CSMD1: variants seen among roughly 807,000 people sequenced by gnomAD.
CSMD1 encodes the protein CUB and Sushi multiple domains 1.
CSMD1 carries 213 observed loss-of-function variants against 417.5 expected under a neutral mutation model. The ratio of observed to expected loss-of-function variants is 0.51; its 90% confidence interval spans 0.46 to 0.57. The LOEUF (loss-of-function observed/expected upper bound fraction) is 0.57. CSMD1 is among the 20% of genes least tolerant of loss of function. The pLI is 0.00. For missense variants in CSMD1, 6,923 were observed against 4,529.7 expected (o/e 1.53, Z -15.17); for synonymous variants, 2,862 against 1,736.8 (o/e 1.65, Z -16.11).
chr8:3,246,240 C>G (rs1311161144), intron 26 of CSMD1, among the ~76,000 whole-genome samples: 1 of 152,162 alleles, frequency 6.6e-6, no homozygotes, highest in Non-Finnish European at 1.5e-5. Flanking sequence ...GTGCCTCACC[C>G]ACACCAGCCC....
chr8:2,939,473 T>C (rs764571628), intron 69 of CSMD1, among the ~76,000 whole-genome samples: 6 of 152,222 alleles, frequency 3.9e-5, no homozygotes, highest in Non-Finnish European at 7.3e-5. Context: ...GTACAATCTA[T>C]GATTAGAGAA....
Position 3,683,356 on chromosome 8 carries a change from C to A in CSMD1, c.1009+25058G>T, listed in dbSNP as rs1799766347. On this transcript the variant is annotated intron_variant, in intron 7 of 69. Coordinates refer to ENST00000635120, the MANE Select transcript of CSMD1 (RefSeq NM_033225.6). ...TTCTCTTATTTATTCTTTTATACAACCACGAGTGAGCTGTTTATTCTGGGC... is the reference window on the plus strand; with the variant it reads ...TTCTCTTATTTATTCTTTTATACAAACACGAGTGAGCTGTTTATTCTGGGC... 3.9e-5 allele frequency among the ~76,000 whole-genome samples: 6 copies of A among 152,152 alleles called. No individual in the cohort carries two copies. The South Asian group carries it at 1.2e-3, about 32-fold the overall frequency.
intron 5 of CSMD1, among the ~76,000 whole-genome samples, chr8:3,782,604 C>G (rs1209325697): frequency 6.6e-6 from 1 of 152,224 alleles, no homozygotes; most frequent in Non-Finnish European, 1.5e-5. Context: ...ATGTAACAAA[C>G]CTGCACGTTG....
chr8:4,694,404 T>A (rs936158719), intron 1 of CSMD1, among the ~76,000 whole-genome samples: 3 of 152,058 alleles, frequency 2.0e-5, no homozygotes, highest in African/African-American at 7.2e-5. Context: ...CAGGCTAGAG[T>A]GCAGTCGTGT....
chr8:3,309,700 TC>T (rs1805178634), intron 23 of CSMD1, among the ~76,000 whole-genome samples: 1 of 151,984 alleles, frequency 6.6e-6, no homozygotes. Context: ...TGCTTTCTTT[TC>T]TCAAAAAGAA....
chr8:3,586,044 A>C, intron 9 of CSMD1, 92 bp downstream of exon 9: 1 of 1,335,582 alleles, frequency 7.5e-7, no homozygotes, highest in Non-Finnish European at 1.0e-6. Context: ...CTCTTCCCAT[A>C]CACAATGCTT....
At chr8:4,226,382 C>G (rs975891243) in intron 3 of CSMD1, among the ~76,000 whole-genome samples, 1 of 152,162 alleles carries the variant, frequency 6.6e-6, no homozygotes, top group Non-Finnish European at 1.5e-5. Flanking sequence ...TATACAATTA[C>G]AACCCTCTCT....
intron 2 of CSMD1, among the ~76,000 whole-genome samples, chr8:4,583,174 C>G (rs944075741): frequency 1.3e-5 from 2 of 152,214 alleles, no homozygotes; most frequent in African/African-American, 4.8e-5. Context: ...TGCTCCACGG[C>G]ACCCAGTCCC....
chr8:3,631,774 T>C (rs1308182649), intron 7 of CSMD1, among the ~76,000 whole-genome samples: 2 of 152,242 alleles, frequency 1.3e-5, no homozygotes, highest in African/African-American at 4.8e-5. Flanking sequence ...AGGATTTATC[T>C]TGAAGTAAAC....
chr8:3,300,683 C>CT (rs1023602627), intron 25 of CSMD1, among the ~76,000 whole-genome samples: 28 of 152,026 alleles, frequency 1.8e-4, no homozygotes, highest in African/African-American at 6.3e-4. Flanking sequence ...ATGGCCAGGC[C>CT]TGGTGGCTCA....
intron 11 of CSMD1, among the ~76,000 whole-genome samples, chr8:3,471,917 C>G (rs928065983): frequency 6.6e-6 from 1 of 152,110 alleles, no homozygotes; most frequent in African/African-American, 2.4e-5. Flanking sequence ...GCACTTGGTT[C>G]ACATGCAAAA....
chr8:3,788,692 C>A (rs1046327019), intron 5 of CSMD1, among the ~76,000 whole-genome samples: 2 of 152,196 alleles, frequency 1.3e-5, no homozygotes, highest in Non-Finnish European at 2.9e-5. Context: ...CATCTACAGA[C>A]ACAGTTATGA....
At chr8:4,881,454 T>C (rs1236491349) in intron 1 of CSMD1, among the ~76,000 whole-genome samples, 1 of 47,812 alleles carries the variant, frequency 2.1e-5, no homozygotes, top group African/African-American at 4.1e-5. Context: ...TATCTATCTA[T>C]CTATCTATCT....
Position 3,315,109 on chromosome 8 carries a change from T to C in CSMD1, c.3632-6606A>G, listed in dbSNP as rs533765627. 3.3e-5 allele frequency among the ~76,000 whole-genome samples: 5 copies of C among 152,312 alleles called. No individual in the cohort carries two copies. The South Asian group carries it at 6.2e-4, about 19-fold the overall frequency. ...GTTAATTTTACCTAAGACATTTCAA[T>C]TGGGATAATGTACTTCTTTGGCAAA... On this transcript the variant is annotated intron_variant, in intron 23 of 69. Transcript: ENST00000635120.
intron 2 of CSMD1, among the ~76,000 whole-genome samples, chr8:4,626,051 T>C (rs1368207709): frequency 2.0e-5 from 3 of 152,250 alleles, no homozygotes; most frequent in African/African-American, 2.4e-5. Flanking sequence ...GATGGGACTA[T>C]CACGGACTTG....
chr8:3,474,470 C>T (rs760352076), intron 11 of CSMD1, among the ~76,000 whole-genome samples: 2 of 152,024 alleles, frequency 1.3e-5, no homozygotes, highest in East Asian at 3.9e-4. Context: ...ACTCATCCAT[C>T]CACCAAAAAT....
At chr8:3,180,774 C>T (rs1386357694) in intron 37 of CSMD1, among the ~76,000 whole-genome samples, 6 of 152,022 alleles carry the variant, frequency 3.9e-5, no homozygotes, top group South Asian at 4.2e-4. Flanking sequence ...AGATTACAGG[C>T]GCCCGTCACC....
At chr8:4,681,604 G>A (rs1191858192) in intron 1 of CSMD1, among the ~76,000 whole-genome samples, 1 of 152,128 alleles carries the variant, frequency 6.6e-6, no homozygotes, top group Non-Finnish European at 1.5e-5. Context: ...CTCGAGCCTG[G>A]TAAATATTAC....
chr8:3,096,330 G>A (rs561994854), intron 47 of CSMD1, among the ~76,000 whole-genome samples: 1 of 152,258 alleles, frequency 6.6e-6, no homozygotes, highest in South Asian at 2.1e-4. Flanking sequence ...GGACAAATCT[G>A]GTGGGAGGTA....
Sources: allele counts gnomAD v4.1 joint callset (sites outside exome capture counted in the v4.1 genomes callset), GRCh38; gene constraint gnomAD v4.1.1; transcripts MANE v1.5; gene names NCBI Gene and HGNC (gene_info 2026-07-23, HGNC 2026-07-21).